DBNL: variants seen among roughly 807,000 people sequenced by gnomAD.
The protein encoded by DBNL is drebrin like.
A neutral mutation model predicts 62.2 loss-of-function variants in DBNL; 35 were observed. That is an observed-to-expected ratio of 0.56 (90% confidence interval 0.43 to 0.75). The LOEUF (loss-of-function observed/expected upper bound fraction) is 0.75. Ranked by LOEUF, DBNL falls within the 30% of genes least tolerant of loss-of-function variation. The probability of loss-of-function intolerance (pLI) is 0.00; values close to 1 mark genes in which losing one functional copy is unlikely to be tolerated. For missense variants in DBNL, 495 were observed against 578.4 expected (o/e 0.86, Z 1.48); for synonymous variants, 197 against 218.0 (o/e 0.90, Z 0.85).
At chr7:44,047,469 G>A (rs946142273) in intron 1 of DBNL, among the ~76,000 whole-genome samples, 1 of 152,134 alleles carries the variant, frequency 6.6e-6, no homozygotes, top group African/African-American at 2.4e-5. Context: ...TGCTTACTCC[G>A]TATCTTGGCA....
Position 44,062,778 on chromosome 7 carries a change from C to T in DBNL, c.*1862C>T, listed in dbSNP as rs764220820. The T allele has an allele frequency of 6.2e-7, 1 of 1,614,088 alleles. No individual in the cohort carries two copies. Among genetic ancestry groups the T allele is most frequent in the Non-Finnish European group, 8.5e-7 (1 of 1,180,050 alleles). ...AAGCCCACCCCTCACTTGGCCTTGC[C>T]CTGGGCAGCCACAGCCTCCATGGCC... On this transcript the variant is annotated 3_prime_UTR_variant, in exon 13 of 13. Coordinates refer to ENST00000448521, the MANE Select transcript of DBNL (RefSeq NM_001014436.3).
chr7:44,060,258 A>G lies in DBNL; in HGVS notation c.1153+105A>G. 9.6e-7 allele frequency: 1 copy of G among 1,039,222 alleles called. No homozygotes were observed. Among genetic ancestry groups the G allele is most frequent in the Non-Finnish European group, 1.4e-6 (1 of 702,688 alleles). The allele number at this position is 1,039,222 out of a possible 1,614,324, so 64.4% of individuals were successfully genotyped here. A position where few individuals can be genotyped will look rare whatever the true frequency, so the allele number is the denominator to read the frequency against. On this transcript the variant is annotated intron_variant, in intron 12 of 12. Transcript: ENST00000448521. This position sits in a 1 kb window ranked among gnomAD's most constrained non-coding sequence, Gnocchi z 6.3. ...GATGGCACCAGGGGGTATCAGGAAG[A>G]GAAGACAGGAGGGTGGGCGGTGCGT... is the stretch of plus-strand genomic sequence containing the variant.
Position 44,062,915 on chromosome 7 carries a change from G to T in DBNL, c.*1999G>T. 6.2e-7 allele frequency: 1 copy of T among 1,614,126 alleles called. No homozygotes were observed. Among genetic ancestry groups the T allele is most frequent in the Non-Finnish European group, 8.5e-7 (1 of 1,180,008 alleles). ...CGTGGGCAGGTTCAGCTCCATGATC[G>T]CCTGGTCTGACATCCCTATGCCGGA... On this transcript the variant is annotated 3_prime_UTR_variant, in exon 13 of 13. Transcript: ENST00000448521.
At chr7:44,051,470 G>T in intron 2 of DBNL, 1 of 194,158 alleles carries the variant, frequency 5.2e-6, no homozygotes, top group Non-Finnish European at 1.1e-5. Context: ...ATAAAATTTT[G>T]ACGTAGCCAT....
intron 1 of DBNL, among the ~76,000 whole-genome samples, chr7:44,049,637 T>A (rs1304569278): frequency 6.6e-6 from 1 of 152,194 alleles, no homozygotes; most frequent in Non-Finnish European, 1.5e-5. Context: ...TCCTTTGTGG[T>A]TTCTGATAAA....
rs1025831856 is a variant in DBNL at position 44,065,030 on chromosome 7, G to A, written c.*4114G>A. On this transcript the variant is annotated 3_prime_UTR_variant, in exon 13 of 13. Coordinates refer to ENST00000448521, the MANE Select transcript of DBNL (RefSeq NM_001014436.3). ...CGACGCTCCTGGGGGACACAGGCAC[G>A]CTGCTTTCCCTCCCAAGCCAGTGGG... The A allele has an allele frequency of 4.4e-6, 7 of 1,606,690 alleles. No individual in the cohort carries two copies. The highest frequency in any genetic ancestry group is 4.5e-5 in the East Asian group (2 of 44,832).
At chr7:44,050,185 C>T in intron 1 of DBNL, 40 bp from the exon 2 acceptor site, 1 of 1,610,330 alleles carries the variant, frequency 6.2e-7, no homozygotes, top group Non-Finnish European at 8.5e-7. Context: ...AGATGGAACC[C>T]AAGGTGCTGG....
Position 44,059,121 on chromosome 7 carries a change from C to A in DBNL, c.835+138C>A. On this transcript the variant is annotated intron_variant, in intron 9 of 12. Transcript: ENST00000448521. This position sits in a 1 kb window ranked among gnomAD's most constrained non-coding sequence, Gnocchi z 4.1. ...GAGTGAGGAGAAGGGACACCTGGGG[C>A]CATTGACCTCATCAGTGACCACACT... is the stretch of plus-strand genomic sequence containing the variant. 9.9e-7 allele frequency: 1 copy of A among 1,005,908 alleles called. No individual in the cohort carries two copies. Among genetic ancestry groups the A allele is most frequent in the Non-Finnish European group, 1.5e-6 (1 of 682,182 alleles). The allele number at this position is 1,005,908 out of a possible 1,614,324, so 62.3% of individuals were successfully genotyped here. A position where few individuals can be genotyped will look rare whatever the true frequency, so the allele number is the denominator to read the frequency against.
chr7:44,059,844 C>T lies in DBNL; in HGVS notation c.1047+186C>T, dbSNP rs967644589. Among the ~76,000 whole-genome samples the T allele has an allele frequency of 6.6e-5, 10 of 152,172 alleles. No individual in the cohort carries two copies. Among genetic ancestry groups the T allele is most frequent in the Non-Finnish European group, 1.5e-4 (10 of 68,018 alleles). ...TAGGAGGTGCTGGGTGGGAAGAGGACCTTGCAGCCTATGGCTGAGGGATTT... is the reference window on the plus strand; with the variant it reads ...TAGGAGGTGCTGGGTGGGAAGAGGATCTTGCAGCCTATGGCTGAGGGATTT... On this transcript the variant is annotated intron_variant, in intron 11 of 12. Transcript: ENST00000448521. The surrounding 1 kb of genome is among the most constrained non-coding windows in gnomAD (Gnocchi z 4.1).
intron 1 of DBNL, among the ~76,000 whole-genome samples, chr7:44,047,712 T>A (rs2096119835): frequency 6.6e-6 from 1 of 152,194 alleles, no homozygotes; most frequent in East Asian, 1.9e-4. Flanking sequence ...TATGCCTTGC[T>A]GTTCAGAGGC....
chr7:44,058,490 G>A lies in DBNL; in HGVS notation c.753+10G>A. 3.1e-6 allele frequency: 5 copies of A among 1,614,054 alleles called. No homozygotes were observed. In the South Asian group the frequency reaches 4.4e-5, roughly 14 times the overall value. On this transcript the variant is annotated intron_variant, in intron 8 of 12. Coordinates refer to ENST00000448521, the MANE Select transcript of DBNL (RefSeq NM_001014436.3). ...GAACCGAAATGAGCAGGTAAGATGG[G>A]GGTGCTCTACTTGTTTGGACCTGTC...
At position 44,065,788 on chromosome 7, in the gene DBNL, C is replaced by G. The variant is rs954651534; in HGVS notation, c.*4872C>G. The G allele has an allele frequency of 1.8e-5, 10 of 563,728 alleles. No homozygotes were observed. Among genetic ancestry groups the G allele is most frequent in the Admixed American group, 1.5e-4 (5 of 33,294 alleles). 34.9% of individuals were successfully genotyped at this position (563,728 alleles called of 1,614,324 possible). A position where few individuals can be genotyped will look rare whatever the true frequency, so the allele number is the denominator to read the frequency against. ...GTTCAGGTGGCATGTCTATAACCAG[C>G]TGGCACCCAGAGCCCAGACTGAGTG... On this transcript the variant is annotated 3_prime_UTR_variant, in exon 13 of 13. Coordinates refer to ENST00000448521, the MANE Select transcript of DBNL (RefSeq NM_001014436.3).
In DBNL at chr7:44,060,907, C is replaced by T; in HGVS notation, c.1284C>T (p.Leu428=). ...FGMFPANYVE[L]IE is the part of the protein sequence containing the mutation. Reference sequence around the variant, plus strand: ...TGTTCCCTGCCAACTACGTGGAGCTCATTGAGTGAGGCTGAGGGCACATCT... The same window carrying T: ...TGTTCCCTGCCAACTACGTGGAGCTTATTGAGTGAGGCTGAGGGCACATCT... The change falls in exon 13 of 13, where the codon CTC becomes CTT. Residue 428 remains leucine, a synonymous_variant. Transcript: ENST00000448521. This position sits in a 1 kb window ranked among gnomAD's most constrained non-coding sequence, Gnocchi z 6.3. 1 of 1,613,970 alleles carries T rather than the reference C, an allele frequency of 6.2e-7. No individual in the cohort carries two copies. The highest frequency in any genetic ancestry group is 8.5e-7 in the Non-Finnish European group (1 of 1,179,946).
chr7:44,052,931 G>C lies in DBNL; in HGVS notation c.317G>C (p.Ser106Thr). 1 of 1,613,196 alleles carries C rather than the reference G, an allele frequency of 6.2e-7. No individual in the cohort carries two copies. Among genetic ancestry groups the C allele is most frequent in the African/African-American group, 1.3e-5 (1 of 75,064 alleles). ...ACASHVSTMA[S>T]FLKGAHVTIN... is the part of the protein sequence containing the mutation. The stretch of plus-strand genomic sequence containing the variant: ...GCCAGCCACGTCAGCACCATGGCCA[G>C]CTTCCTGAAGGTAAGGCCAGGTGAG... The change falls in exon 4 of 13, where the codon AGC becomes ACC. Residue 106 changes from serine to threonine, a missense_variant. Transcript: ENST00000448521.
At chr7:44,052,624 A>G (rs1204354082) in intron 3 of DBNL, among the ~76,000 whole-genome samples, 2 of 152,056 alleles carry the variant, frequency 1.3e-5, no homozygotes, top group African/African-American at 2.4e-5. Flanking sequence ...AAAAAAAAAA[A>G]AAAGAAAATT....
At position 44,064,922 on chromosome 7, in the gene DBNL, C is replaced by G; in HGVS notation, c.*4006C>G. 1.2e-5 allele frequency: 20 copies of G among 1,611,030 alleles called. No homozygotes were observed. The highest frequency in any genetic ancestry group is 1.6e-5 in the Non-Finnish European group (19 of 1,179,682). ...GCCTTGATCTGGGGAACAATCTCCT[C>G]GTTCCAGAAGGGCAGGGCCCGGGCA... On this transcript the variant is annotated 3_prime_UTR_variant, in exon 13 of 13. Coordinates refer to ENST00000448521, the MANE Select transcript of DBNL (RefSeq NM_001014436.3).
rs2096155371 is a variant in DBNL at position 44,064,572 on chromosome 7, C to T, written c.*3656C>T. 5.6e-6 allele frequency: 3 copies of T among 533,976 alleles called. No individual in the cohort carries two copies. Among genetic ancestry groups the T allele is most frequent in the Non-Finnish European group, 1.0e-5 (3 of 295,690 alleles). The allele number at this position is 533,976 out of a possible 1,614,324, so 33.1% of individuals were successfully genotyped here. ...CTAGCTGGGTGTCCCTTGGCAGATGCCACCTTTGGAGCCTGCCCCACCTCG... is the reference window on the plus strand; with the variant it reads ...CTAGCTGGGTGTCCCTTGGCAGATGTCACCTTTGGAGCCTGCCCCACCTCG... On this transcript the variant is annotated 3_prime_UTR_variant, in exon 13 of 13. Coordinates refer to ENST00000448521, the MANE Select transcript of DBNL (RefSeq NM_001014436.3).
chr7:44,055,193 C>T (rs779155710), intron 4 of DBNL, among the ~76,000 whole-genome samples: 22 of 152,192 alleles, frequency 1.4e-4, no homozygotes, highest in Admixed American at 2.6e-4. Flanking sequence ...TGTCTAGGCG[C>T]GATGGCTCAC....
At position 44,052,905 on chromosome 7, in the gene DBNL, T is replaced by C. The variant is rs2128791323; in HGVS notation, c.291T>C (p.Cys97=). ...TGAACGATGTGCGGAAGGGAGCCTG[T>C]GCCAGCCACGTCAGCACCATGGCCA... ...EGVNDVRKGA[C]ASHVSTMASF... is the part of the protein sequence containing the mutation. The change falls in exon 4 of 13, where the codon TGT becomes TGC. Residue 97 remains cysteine, a synonymous_variant. Coordinates refer to ENST00000448521, the MANE Select transcript of DBNL (RefSeq NM_001014436.3). The C allele has an allele frequency of 6.2e-7, 1 of 1,613,784 alleles. No homozygotes were observed. Among genetic ancestry groups the C allele is most frequent in the Non-Finnish European group, 8.5e-7 (1 of 1,180,006 alleles).
Sources: gnomAD v4.1 joint callset for allele counts (sites outside exome capture counted in the v4.1 genomes callset) on GRCh38, gnomAD v4.1.1 for gene constraint, Gnocchi (gnomAD v3.1) non-coding constraint, MANE v1.5 for transcripts, NCBI Gene and HGNC (gene_info 2026-07-23, HGNC 2026-07-21) for gene names.